Variants in ROR1 observed in about 807,000 individuals in gnomAD.
The protein encoded by ROR1 is ROR family WNT receptor 1.
ROR1 carries 19 observed loss-of-function variants against 78.8 expected under a neutral mutation model. That is an observed-to-expected ratio of 0.24 (90% CI 0.17 to 0.35). ROR1 has a LOEUF of 0.35. Ranked by LOEUF, ROR1 falls within the 10% of genes least tolerant of loss-of-function variation. ROR1 has a pLI of 1.00. For missense variants in ROR1, 917 were observed against 1,177.8 expected, an observed-to-expected ratio of 0.78 and a Z score of 3.24; for synonymous variants, 386 against 433.6, an observed-to-expected ratio of 0.89 and a Z score of 1.36.
intron 4 of ROR1, 21 bp from the exon 5 acceptor site, chr1:64,137,348 T>C (rs758178277): frequency 2.9e-5 from 46 of 1,613,428 alleles, no homozygotes; most frequent in Non-Finnish European, 3.8e-5. Flanking sequence ...TCAGCTAATG[T>C]CTGTCTATGC....
chr1:63,811,125 G>A lies in ROR1; in HGVS notation c.91+36617G>A, dbSNP rs1485694060. 2.6e-5 allele frequency among the ~76,000 whole-genome samples: 4 copies of A among 152,270 alleles called. No homozygotes were observed. In the East Asian group the frequency reaches 7.7e-4, roughly 29 times the overall value. ...TTAATATATAATTTGCTTTAACTTG[G>A]GTGAATGTGGAATAAGGAGAGTGGC... On this transcript the variant is annotated intron_variant, in intron 1 of 8. Transcript: ENST00000371079.
intron 1 of ROR1, among the ~76,000 whole-genome samples, chr1:63,792,515 C>T (rs1644733275): frequency 2.0e-5 from 3 of 152,170 alleles, no homozygotes. Context: ...GAAAAAAAAT[C>T]TCAGTTTGGG....
At chr1:64,032,340 C>CAAAAAAAAAAAAAAAAAAAAAAAAA (rs66602515) in intron 2 of ROR1, among the ~76,000 whole-genome samples, 1 of 76,344 alleles carries the variant, frequency 1.3e-5, no homozygotes, top group Non-Finnish European at 2.5e-5. Flanking sequence ...GACTCCGTCT[C>CAAAAAAAAAAAAAAAAAAAAAAAAA]AAAAAAAAAA....
At position 64,032,075 on chromosome 1, in the gene ROR1, G is replaced by A. The variant is rs373038124; in HGVS notation, c.164-17616G>A. ...ATACAAAATATGGCCGGGCGCGGTG[G>A]CTCATGCCTGTAATCCCAGCACTTT... is the stretch of plus-strand genomic sequence containing the variant. On this transcript the variant is annotated intron_variant, in intron 2 of 8. Transcript: ENST00000371079. Among the ~76,000 whole-genome samples the A allele has an allele frequency of 1.6e-4, 24 of 152,154 alleles. 1 individual carries two copies. The highest frequency in any genetic ancestry group is 4.6e-4 in the African/African-American group (19 of 41,510).
intron 4 of ROR1, chr1:64,106,152 T>C (rs1647795613): frequency 6.6e-6 from 1 of 152,196 alleles, no homozygotes. Context: ...TAGTTTGTAG[T>C]TCTCCTTGAA....
intron 2 of ROR1, among the ~76,000 whole-genome samples, chr1:64,028,622 A>T (rs1300384679): frequency 6.6e-6 from 1 of 152,188 alleles, no homozygotes; most frequent in African/African-American, 2.4e-5. Flanking sequence ...TAAGAAGAAA[A>T]AATATGCACC....
intron 1 of ROR1, among the ~76,000 whole-genome samples, chr1:63,831,991 T>G (rs569885153): frequency 1.3e-5 from 2 of 152,314 alleles, no homozygotes; most frequent in Non-Finnish European, 2.9e-5. Flanking sequence ...AGTTTAAGGT[T>G]ACACAGATCT....
intron 1 of ROR1, among the ~76,000 whole-genome samples, chr1:63,948,801 A>G (rs1332134385): frequency 2.0e-5 from 3 of 152,144 alleles, no homozygotes; most frequent in Non-Finnish European, 4.4e-5. Context: ...TTACAGCAAA[A>G]AGAAAGCCCT....
chr1:64,095,875 A>T (rs1182759788), intron 4 of ROR1, among the ~76,000 whole-genome samples: 1 of 152,192 alleles, frequency 6.6e-6, no homozygotes, highest in East Asian at 1.9e-4. Flanking sequence ...CAAAGAAGTA[A>T]AGTGATAGGC....
intron 1 of ROR1, among the ~76,000 whole-genome samples, chr1:63,865,745 G>A (rs1645211204): frequency 6.6e-6 from 1 of 152,184 alleles, no homozygotes; most frequent in Non-Finnish European, 1.5e-5. Flanking sequence ...TTGGCACATA[G>A]CGGGCACTAA....
At chr1:63,919,169 A>G (rs374279931) in intron 1 of ROR1, among the ~76,000 whole-genome samples, 2 of 152,280 alleles carry the variant, frequency 1.3e-5, no homozygotes, top group South Asian at 2.1e-4. Flanking sequence ...AAAATGCCTC[A>G]TTTTTATTTA....
intron 1 of ROR1, among the ~76,000 whole-genome samples, chr1:63,805,074 C>A (rs1644820488): frequency 6.6e-6 from 1 of 152,204 alleles, no homozygotes; most frequent in Non-Finnish European, 1.5e-5. Flanking sequence ...GGGAGGGTTC[C>A]TTTTCCTCTT....
intron 8 of ROR1, among the ~76,000 whole-genome samples, chr1:64,173,163 C>T (rs1173084158): frequency 6.6e-6 from 1 of 152,134 alleles, no homozygotes; most frequent in African/African-American, 2.4e-5. Flanking sequence ...CACTTCTTTG[C>T]TGGCAGCTGC....
intron 8 of ROR1, among the ~76,000 whole-genome samples, chr1:64,167,925 G>A (rs1217367543): frequency 1.3e-5 from 2 of 152,236 alleles, no homozygotes; most frequent in Non-Finnish European, 2.9e-5. Flanking sequence ...TTGAGGATCA[G>A]ATGGAAAGTC....
intron 1 of ROR1, among the ~76,000 whole-genome samples, chr1:63,957,594 T>A (rs1238507641): frequency 6.6e-6 from 1 of 152,130 alleles, no homozygotes; most frequent in Non-Finnish European, 1.5e-5. Context: ...AGCACATGGG[T>A]TGCATATCTT....
chr1:64,135,076 T>C (rs1649057811), intron 4 of ROR1, among the ~76,000 whole-genome samples: 1 of 152,050 alleles, frequency 6.6e-6, no homozygotes, highest in African/African-American at 2.4e-5. Context: ...TAACAGTACA[T>C]ACTGGTTTTG....
At chr1:64,130,683 A>G (rs746971922) in intron 4 of ROR1, among the ~76,000 whole-genome samples, 4 of 152,224 alleles carry the variant, frequency 2.6e-5, no homozygotes, top group Non-Finnish European at 5.9e-5. Context: ...AGGTTGGAAT[A>G]GGAGGTAACT....
At chr1:64,143,483 C>G in intron 7 of ROR1, 1 of 872,218 alleles carries the variant, frequency 1.1e-6, no homozygotes, top group Non-Finnish European at 1.4e-6. Context: ...GTTTCCCAGG[C>G]ATAGTGGGAG....
intron 2 of ROR1, among the ~76,000 whole-genome samples, chr1:64,020,328 T>G (rs1367076074): frequency 6.6e-6 from 1 of 152,236 alleles, no homozygotes; most frequent in Non-Finnish European, 1.5e-5. Flanking sequence ...TGAATTGAAC[T>G]TTGTAATAAA....
Sources: allele counts gnomAD v4.1 joint callset (sites outside exome capture counted in the v4.1 genomes callset), GRCh38; gene constraint gnomAD v4.1.1; transcripts MANE v1.5; gene names NCBI Gene and HGNC (gene_info 2026-07-23, HGNC 2026-07-21).